Variants in MYH9 observed in about 807,000 individuals in gnomAD.
MYH9 encodes the protein myosin heavy chain 9.
A neutral mutation model predicts 241.9 loss-of-function variants in MYH9; 29 were observed. The ratio of observed to expected loss-of-function variants is 0.12; its 90% confidence interval spans 0.09 to 0.16. The LOEUF (loss-of-function observed/expected upper bound fraction) is 0.16, where lower values mean the gene tolerates loss of function less well. Ranked by LOEUF, MYH9 falls within the 10% of genes least tolerant of loss-of-function variation. MYH9 has a pLI of 1.00. For synonymous variants in MYH9, 1,047 were observed against 1,062.6 expected (o/e 0.99, Z 0.29); for missense variants, 1,803 against 2,595.5 (o/e 0.69, Z 6.63).
At chr22:36,340,826 G>A (rs973872004) in intron 3 of MYH9, among the ~76,000 whole-genome samples, 2 of 152,108 alleles carry the variant, frequency 1.3e-5, no homozygotes, top group Non-Finnish European at 1.5e-5. Context: ...CAGCCAGGGC[G>A]AGGGGAGTGA....
rs756915177 is a variant in MYH9, at chr22:36,321,919, G to A, written c.706-98C>T. On this transcript the variant is annotated intron_variant, in intron 6 of 40. Transcript: ENST00000216181. ...CAGCCCCCCGCCCCACCTCCGGTGGGCACAGCTTGGAGGGAGAAAACCCAG... is the reference window on the plus strand; with the variant it reads ...CAGCCCCCCGCCCCACCTCCGGTGGACACAGCTTGGAGGGAGAAAACCCAG... 3.6e-6 allele frequency: 4 copies of A among 1,110,140 alleles called. No individual in the cohort carries two copies. The South Asian group carries it at 5.0e-5, about 14-fold the overall frequency. 68.8% of individuals were successfully genotyped at this position (1,110,140 alleles called of 1,614,324 possible).
At position 36,312,326 on chromosome 22, in the gene MYH9, A is replaced by G. The variant is rs2017077808; in HGVS notation, c.1555-104T>C. On this transcript the variant is annotated intron_variant, in intron 13 of 40. Transcript: ENST00000216181. ...CATCAGAATCCCCTGAATCCCACAG[A>G]CGGTGGGCGACACACTCCCCAGGAG... 3.4e-6 allele frequency: 4 copies of G among 1,173,760 alleles called. 1 individual carries two copies. The Middle Eastern group carries it at 6.0e-4, about 176-fold the overall frequency. The allele number at this position is 1,173,760 out of a possible 1,614,324, so 72.7% of individuals were successfully genotyped here. A position where few individuals can be genotyped will look rare whatever the true frequency, so the allele number is the denominator to read the frequency against.
chr22:36,286,872 C>T, intron 34 of MYH9, 26 bp from the exon 35 acceptor site: 1 of 1,602,578 alleles, frequency 6.2e-7, no homozygotes, highest in Non-Finnish European at 8.5e-7. Flanking sequence ...AGGCTTGGCA[C>T]CCCACCCAGC....
rs1336793511 is a variant in MYH9, at chr22:36,321,826, G to C, written c.706-5C>G. ...GTTGATGCGAATGAATTTGCCCTAA[G>C]TAAGAAAGGATAGCAAGAGATCAGA... On this transcript the variant is annotated splice_region_variant and splice_polypyrimidine_tract_variant and intron_variant, in intron 6 of 40. Transcript: ENST00000216181. 1.2e-6 allele frequency: 2 copies of C among 1,613,540 alleles called. No homozygotes were observed. Among genetic ancestry groups the C allele is most frequent in the African/African-American group, 2.7e-5 (2 of 74,918 alleles).
intron 1 of MYH9, among the ~76,000 whole-genome samples, chr22:36,350,533 G>A (rs180821271): frequency 3.2e-4 from 49 of 152,190 alleles, no homozygotes; most frequent in African/African-American, 1.0e-3. Flanking sequence ...GCAAAACTCC[G>A]TCTCAAAAAA....
chr22:36,362,642 A>G (rs1174417006), intron 1 of MYH9, among the ~76,000 whole-genome samples: 1 of 152,130 alleles, frequency 6.6e-6, no homozygotes, highest in Non-Finnish European at 1.5e-5. Flanking sequence ...ACGCTCGGCT[A>G]ATTTTTGTAT....
At chr22:36,365,709 C>T (rs1269400447) in intron 1 of MYH9, among the ~76,000 whole-genome samples, 1 of 152,164 alleles carries the variant, frequency 6.6e-6, no homozygotes, top group East Asian at 1.9e-4. Context: ...GATTTGCCCA[C>T]CTCAGCCTTC....
At chr22:36,312,837 G>A (rs919203206) in intron 13 of MYH9, among the ~76,000 whole-genome samples, 2 of 152,256 alleles carry the variant, frequency 1.3e-5, no homozygotes, top group Admixed American at 6.5e-5. Flanking sequence ...GGCCAGGCGC[G>A]GTGGCTCACG....
chr22:36,343,540 C>A (rs965684266), intron 2 of MYH9, among the ~76,000 whole-genome samples: 1 of 128,442 alleles, frequency 7.8e-6, no homozygotes, highest in South Asian at 2.4e-4. Flanking sequence ...AGAGGGAGAC[C>A]CTGCTCTTAA....
rs3833921 is a variant in MYH9, at chr22:36,295,341, TAG to T, written c.3485+162_3485+163del. Among the ~76,000 whole-genome samples the T allele has an allele frequency of 0.027, 4,051 of 152,160 alleles. 107 individuals are homozygous for T. The highest frequency in any genetic ancestry group is 0.097 in the East Asian group (501 of 5,156). On this transcript the variant is annotated intron_variant, in intron 26 of 40. Transcript: ENST00000216181. The surrounding 1 kb of genome is among the most constrained non-coding windows in gnomAD (Gnocchi z 4.1). The stretch of plus-strand genomic sequence containing the variant: ...GTCCTTCAACAGACTTTCTACTCTG[TAG>T]AGAGAAACCGCTGAGGAACCAGCAG...
intron 1 of MYH9, among the ~76,000 whole-genome samples, chr22:36,370,275 G>A (rs778746621): frequency 1.3e-5 from 2 of 152,116 alleles, no homozygotes; most frequent in Non-Finnish European, 2.9e-5. Flanking sequence ...CCAGACACAC[G>A]CCCATCATGC....
chr22:36,309,184 A>C, intron 15 of MYH9, 98 bp downstream of exon 15: 3 of 1,018,362 alleles, frequency 2.9e-6, no homozygotes, highest in Non-Finnish European at 4.6e-6. Context: ...CAGGGGGCAC[A>C]TGTGTACCCC....
chr22:36,306,384 T>C lies in MYH9; in HGVS notation c.2037+30A>G. The stretch of plus-strand genomic sequence containing the variant: ...CTGAGCACCCCACACCACAGTGCCC[T>C]GCCCGGGCCACCCCACCAGGCAGCC... On this transcript the variant is annotated intron_variant, in intron 16 of 40. Coordinates refer to ENST00000216181, the MANE Select transcript of MYH9 (RefSeq NM_002473.6). The surrounding 1 kb of genome is among the most constrained non-coding windows in gnomAD (Gnocchi z 4.1). 1.2e-6 allele frequency: 2 copies of C among 1,613,306 alleles called. No homozygotes were observed. The highest frequency in any genetic ancestry group is 1.7e-6 in the Non-Finnish European group (2 of 1,179,738).
At chr22:36,324,386 G>A (rs946381321) in intron 5 of MYH9, among the ~76,000 whole-genome samples, 7 of 152,252 alleles carry the variant, frequency 4.6e-5, no homozygotes, top group Admixed American at 4.6e-4. Flanking sequence ...TTTCTGAAGG[G>A]CTTCACTGGG....
chr22:36,369,881 C>G (rs1050939443), intron 1 of MYH9, among the ~76,000 whole-genome samples: 6 of 152,188 alleles, frequency 3.9e-5, no homozygotes, highest in Non-Finnish European at 8.8e-5. Flanking sequence ...TTCTTGGACT[C>G]TCAACATTCC....
intron 3 of MYH9, among the ~76,000 whole-genome samples, chr22:36,334,847 C>T (rs1358176689): frequency 6.6e-6 from 1 of 152,166 alleles, no homozygotes; most frequent in Non-Finnish European, 1.5e-5. Context: ...GACAAGAGGA[C>T]AAAGGCTCAA....
chr22:36,288,483 AG>A lies in MYH9; in HGVS notation c.4771-71del. The A allele has an allele frequency of 6.3e-7, 1 of 1,586,140 alleles. No homozygotes were observed. Among genetic ancestry groups the A allele is most frequent in the African/African-American group, 1.3e-5 (1 of 74,734 alleles). On this transcript the variant is annotated intron_variant, in intron 33 of 40. Transcript: ENST00000216181. The surrounding 1 kb of genome is among the most constrained non-coding windows in gnomAD (Gnocchi z 4.8). ...GAGACCCTGCCCTAGCTCTGAACTC[AG>A]GAGCCTCAGGCCAGTTCTGCAGGAT...
At chr22:36,386,239 G>A in intron 1 of MYH9, among the ~76,000 whole-genome samples, 1 of 152,094 alleles carries the variant, frequency 6.6e-6, no homozygotes, top group East Asian at 1.9e-4. Context: ...CCATGGGCAC[G>A]GGCCAGGTCT....
intron 19 of MYH9, among the ~76,000 whole-genome samples, chr22:36,303,201 C>T (rs942468095): frequency 3.9e-5 from 6 of 152,132 alleles, no homozygotes; most frequent in South Asian, 4.1e-4. Flanking sequence ...CAGAGCTCGG[C>T]GCTCCTGCTA....
Sources: allele counts gnomAD v4.1 joint callset (sites outside exome capture counted in the v4.1 genomes callset), GRCh38; gene constraint gnomAD v4.1.1; non-coding constraint Gnocchi (gnomAD v3.1); transcripts MANE v1.5; gene names NCBI Gene and HGNC (gene_info 2026-07-23, HGNC 2026-07-21).